AGT: variants seen among roughly 807,000 people sequenced by gnomAD.
AGT encodes the protein alpha-1 antiproteinase, antitrypsin.
In AGT, 26 loss-of-function variants were observed where a neutral mutation model predicts 28.1. That is an observed-to-expected ratio of 0.92 (90% confidence interval 0.68 to 1.28). The LOEUF (loss-of-function observed/expected upper bound fraction) is 1.28, where lower values mean the gene tolerates loss of function less well. Among genes scored for constraint, AGT ranks in the 50% most tolerant of loss-of-function variants. The pLI is 0.00. For missense variants in AGT, 596 were observed against 592.3 expected, an observed-to-expected ratio of 1.01 and a Z score of -0.06; for synonymous variants, 259 against 259.6, an observed-to-expected ratio of 1.00 and a Z score of 0.02.
intron 4 of AGT, among the ~76,000 whole-genome samples, chr1:230,703,654 C>T (rs986385581): frequency 6.6e-6 from 1 of 152,216 alleles, no homozygotes; most frequent in Non-Finnish European, 1.5e-5. Flanking sequence ...GGCCATGGCC[C>T]ACCAGTGCCA....
intron 1 of AGT, among the ~76,000 whole-genome samples, chr1:230,727,400 A>T (rs964457850): frequency 6.6e-6 from 1 of 152,226 alleles, no homozygotes; most frequent in East Asian, 1.9e-4. Context: ...CCCTCACTGC[A>T]CTAGTCCATG....
chr1:230,706,327 C>G (rs144187453), intron 2 of AGT, 127 bp from the exon 3 acceptor site: 7 of 1,046,884 alleles, frequency 6.7e-6, no homozygotes, highest in Admixed American at 2.5e-5. Flanking sequence ...TTGGCCCCCC[C>G]CAGGCCACTC....
chr1:230,711,927 G>A (rs1044090747), intron 1 of AGT, among the ~76,000 whole-genome samples: 4 of 152,064 alleles, frequency 2.6e-5, no homozygotes, highest in African/African-American at 9.7e-5. Flanking sequence ...CAAAGGCCTT[G>A]CAGCTGGGCT....
upstream of AGT, among the ~76,000 whole-genome samples, chr1:230,718,490 GTA>G (rs1162731390): frequency 1.3e-5 from 2 of 151,592 alleles, no homozygotes; most frequent in Non-Finnish European, 2.9e-5. Context: ...CTTGTTCATC[GTA>G]TATATCTGCT....
chr1:230,744,059 C>T (rs1310932863), intron 1 of AGT, among the ~76,000 whole-genome samples: 1 of 152,226 alleles, frequency 6.6e-6, no homozygotes, highest in African/African-American at 2.4e-5. Context: ...AAGCTGATTG[C>T]ATCTCTAGGC....
At chr1:230,721,652 A>C (rs2102798348) in intron 1 of AGT, among the ~76,000 whole-genome samples, 1 of 152,308 alleles carries the variant, frequency 6.6e-6, no homozygotes, top group South Asian at 2.1e-4. Flanking sequence ...GTTGACAATG[A>C]AGTTCAGTCT....
intron 1 of AGT, among the ~76,000 whole-genome samples, chr1:230,722,537 A>G (rs1257002760): frequency 1.3e-5 from 2 of 152,240 alleles, no homozygotes; most frequent in African/African-American, 4.8e-5. Context: ...AGCAGCCAGG[A>G]AGGGGGCTGT....
chr1:230,731,202 C>T (rs1209993111), intron 1 of AGT, among the ~76,000 whole-genome samples: 1 of 152,148 alleles, frequency 6.6e-6, no homozygotes, highest in Non-Finnish European at 1.5e-5. Flanking sequence ...TATTCTGGCT[C>T]GAGTAATATT....
At chr1:230,745,506 G>T (rs1030910592) in intron 1 of AGT, among the ~76,000 whole-genome samples, 1 of 152,216 alleles carries the variant, frequency 6.6e-6, no homozygotes, top group African/African-American at 2.4e-5. Context: ...ACAGAAATGT[G>T]TTGCTCACAG....
chr1:230,742,282 A>G, intron 1 of AGT, among the ~76,000 whole-genome samples: 1 of 152,158 alleles, frequency 6.6e-6, no homozygotes, highest in Non-Finnish European at 1.5e-5. Context: ...AAATGCTGGC[A>G]TACTCTACAT....
Position 230,710,618 on chromosome 1 carries a change from G to A in AGT, c.206C>T (p.Pro69Leu). The A allele has an allele frequency of 6.2e-7, 1 of 1,614,270 alleles. No homozygotes were observed. Among genetic ancestry groups the A allele is most frequent in the Non-Finnish European group, 8.5e-7 (1 of 1,180,054 alleles). ...IPAPIQAKTS[P>L]VDEKALQDQL... ...GTCCTGTAGGGCCTTTTCATCCACA[G>A]GGGATGTCTTGGCCTGAATTGGAGC... is the stretch of plus-strand genomic sequence containing the variant. The change falls in exon 2 of 5, where the codon CCT becomes CTT. Residue 69 changes from proline to leucine, a missense_variant. Physicochemically the swap from Pro to Leu is moderately conservative, Grantham distance 98 (BLOSUM62 -3). Coordinates refer to ENST00000366667, the MANE Select transcript of AGT (RefSeq NM_001384479.1).
chr1:230,737,001 A>T (rs1023348378), intron 1 of AGT, among the ~76,000 whole-genome samples: 1 of 152,156 alleles, frequency 6.6e-6, no homozygotes, highest in African/African-American at 2.4e-5. Flanking sequence ...CTGGAGCTGG[A>T]ATCTGGAGCA....
chr1:230,744,971 T>C (rs1020292894), intron 1 of AGT, among the ~76,000 whole-genome samples: 1 of 152,278 alleles, frequency 6.6e-6, no homozygotes, highest in South Asian at 2.1e-4. Flanking sequence ...GCCACACCTG[T>C]CTCCCTAGGT....
At chr1:230,708,023 C>A (rs1282275452) in intron 2 of AGT, among the ~76,000 whole-genome samples, 2 of 152,168 alleles carry the variant, frequency 1.3e-5, no homozygotes, top group African/African-American at 2.4e-5. Flanking sequence ...GTAAATAGAA[C>A]ATCATTGCTA....
At chr1:230,740,647 A>AT (rs149375675) in intron 1 of AGT, among the ~76,000 whole-genome samples, 15 of 152,056 alleles carry the variant, frequency 9.9e-5, no homozygotes, top group Non-Finnish European at 1.9e-4. Context: ...AAGAGATAAT[A>AT]TTTTTTTTAA....
At chr1:230,720,115 G>T (rs1426343029) in intron 1 of AGT, among the ~76,000 whole-genome samples, 2 of 152,110 alleles carry the variant, frequency 1.3e-5, no homozygotes, top group Non-Finnish European at 2.9e-5. Flanking sequence ...TCTTCATGTT[G>T]CCTCAGGGGT....
intron 1 of AGT, among the ~76,000 whole-genome samples, chr1:230,733,861 T>A (rs770971425): frequency 6.6e-6 from 1 of 152,000 alleles, no homozygotes; most frequent in Non-Finnish European, 1.5e-5. Flanking sequence ...CACGTGGCTG[T>A]CTTCTGCGTG....
intron 1 of AGT, among the ~76,000 whole-genome samples, chr1:230,726,168 C>T (rs1157011894): frequency 6.6e-6 from 1 of 152,182 alleles, no homozygotes; most frequent in Non-Finnish European, 1.5e-5. Flanking sequence ...TTAACAAGCA[C>T]AATAATAAAC....
chr1:230,737,973 G>A (rs1286719474), intron 1 of AGT, among the ~76,000 whole-genome samples: 1 of 149,790 alleles, frequency 6.7e-6, no homozygotes, highest in Non-Finnish European at 1.5e-5. Flanking sequence ...TTTGTGACTT[G>A]CTTCTTTCAG....
Sources: allele counts gnomAD v4.1 joint callset (sites outside exome capture counted in the v4.1 genomes callset), GRCh38; gene constraint gnomAD v4.1.1; transcripts MANE v1.5; gene names NCBI Gene and HGNC (gene_info 2026-07-23, HGNC 2026-07-21).